Variants in FBLN5 observed in about 807,000 individuals in gnomAD.
FBLN5 encodes the protein fibulin-5.
A neutral mutation model predicts 61.6 loss-of-function variants in FBLN5; 24 were observed. That is an observed-to-expected ratio of 0.39 (90% CI 0.28 to 0.55). FBLN5 has a LOEUF of 0.55. Among genes scored for constraint, FBLN5 ranks in the 20% least tolerant of loss-of-function variants. The probability of loss-of-function intolerance (pLI) is 0.65; values close to 1 mark genes in which losing one functional copy is unlikely to be tolerated. For synonymous variants in FBLN5, 213 were observed against 219.8 expected, an observed-to-expected ratio of 0.97 and a Z score of 0.27; for missense variants, 470 against 594.1, an observed-to-expected ratio of 0.79 and a Z score of 2.17.
In FBLN5 at chr14:91,883,645, T is replaced by TAAAAA. The variant is rs765183580; in HGVS notation, c.740-574_740-570dup. Among the ~76,000 whole-genome samples the TAAAAA allele has an allele frequency of 5.4e-4, 43 of 80,060 alleles. 6 individuals carry two copies. Among genetic ancestry groups the TAAAAA allele is most frequent in the Admixed American group, 8.3e-4 (5 of 6,058 alleles). 52.5% of individuals were successfully genotyped at this position (80,060 alleles called of 152,430 possible). A position where few individuals can be genotyped will look rare whatever the true frequency, so the allele number is the denominator to read the frequency against. On this transcript the variant is annotated intron_variant, in intron 7 of 10. Coordinates refer to ENST00000342058, the MANE Select transcript of FBLN5 (RefSeq NM_006329.4). ...TTAATTATATTAAAACTTCACTGTGTAAAAAAAAAAACAAAAAAAACACAC... is the reference window on the plus strand; with the variant it reads ...TTAATTATATTAAAACTTCACTGTGTAAAAAAAAAAAAAAAACAAAAAAAACACAC...
At chr14:91,921,420 G>A (rs898031474) in intron 4 of FBLN5, among the ~76,000 whole-genome samples, 8 of 152,136 alleles carry the variant, frequency 5.3e-5, no homozygotes, top group Non-Finnish European at 7.4e-5. Flanking sequence ...ACAAGGCAAC[G>A]TTTCTTCCCC....
At chr14:91,912,863 TTTC>T (rs1183656211) in intron 4 of FBLN5, among the ~76,000 whole-genome samples, 2 of 151,378 alleles carry the variant, frequency 1.3e-5, no homozygotes, top group Non-Finnish European at 2.9e-5. Flanking sequence ...CTGAGACACT[TTTC>T]TTCTTTAATA....
intron 9 of FBLN5, chr14:91,877,987 G>A (rs578188634): frequency 1.3e-4 from 64 of 498,982 alleles, no homozygotes; most frequent in African/African-American, 8.7e-4. Context: ...CATTTGCCAC[G>A]TAGGCCAAAT....
chr14:91,925,618 A>T (rs2140030328), intron 4 of FBLN5, among the ~76,000 whole-genome samples: 1 of 152,322 alleles, frequency 6.6e-6, no homozygotes, highest in South Asian at 2.1e-4. Context: ...GCAGGAAAAC[A>T]AAGCTGTGGC....
intron 9 of FBLN5, among the ~76,000 whole-genome samples, chr14:91,880,844 C>T (rs900629632): frequency 1.3e-5 from 2 of 152,134 alleles, no homozygotes; most frequent in African/African-American, 4.8e-5. Flanking sequence ...AGCCACCGTG[C>T]CCAGCCTTGC....
intron 9 of FBLN5, among the ~76,000 whole-genome samples, chr14:91,878,358 C>G (rs1889269121): frequency 1.3e-5 from 2 of 152,084 alleles, no homozygotes; most frequent in African/African-American, 4.8e-5. Flanking sequence ...AACAGAGTGC[C>G]CTAATATAAA....
chr14:91,870,536 C>A, intron 10 of FBLN5, 151 bp from the exon 11 acceptor site: 1 of 749,140 alleles, frequency 1.3e-6, no homozygotes, highest in Non-Finnish European at 2.3e-6. Flanking sequence ...TGCCCACTCT[C>A]CACCTGGTTC....
intron 4 of FBLN5, among the ~76,000 whole-genome samples, chr14:91,905,006 G>A (rs545950886): frequency 8.9e-4 from 135 of 152,244 alleles, no homozygotes; most frequent in Non-Finnish European, 1.6e-3. Flanking sequence ...ACATCAACAG[G>A]ACCTCTCAGG....
At chr14:91,899,005 T>C (rs1044750741) in intron 4 of FBLN5, among the ~76,000 whole-genome samples, 1 of 151,980 alleles carries the variant, frequency 6.6e-6, no homozygotes, top group Non-Finnish European at 1.5e-5. Context: ...GGTTTCACCA[T>C]GTTAGCCAGG....
At chr14:91,925,989 G>A (rs917123650) in intron 4 of FBLN5, among the ~76,000 whole-genome samples, 2 of 152,088 alleles carry the variant, frequency 1.3e-5, no homozygotes, top group South Asian at 4.1e-4. Flanking sequence ...AGGCAGTGGC[G>A]CTCCCCTCTG....
chr14:91,903,729 A>T (rs1428487878), intron 4 of FBLN5, among the ~76,000 whole-genome samples: 1 of 152,132 alleles, frequency 6.6e-6, no homozygotes, highest in Non-Finnish European at 1.5e-5. Context: ...GACCACAGTC[A>T]TCCTTAAATC....
At position 91,903,225 on chromosome 14, in the gene FBLN5, A is replaced by G. The variant is rs959327147; in HGVS notation, c.380-8153T>C. On this transcript the variant is annotated intron_variant, in intron 4 of 10. Coordinates refer to ENST00000342058, the MANE Select transcript of FBLN5 (RefSeq NM_006329.4). ...TAAAGACTCTAGCACAGTCTAGCCA[A>G]AACAGAATGCTTTTCTGGTGTACGG... Among the ~76,000 whole-genome samples, 136 of 152,308 alleles carry G rather than the reference A, an allele frequency of 8.9e-4. 2 individuals carry two copies. Among genetic ancestry groups the G allele is most frequent in the Non-Finnish European group, 2.2e-4 (15 of 68,018 alleles).
intron 4 of FBLN5, among the ~76,000 whole-genome samples, chr14:91,899,292 C>T (rs1890360513): frequency 6.6e-6 from 1 of 152,340 alleles, no homozygotes; most frequent in African/African-American, 2.4e-5. Flanking sequence ...GCTGTCACAC[C>T]AGTCGGGTGC....
Position 91,882,976 on chromosome 14 carries a change from C to T in FBLN5, c.840G>A (p.Leu280=), listed in dbSNP as rs1030948385. Residue 280 remains leucine, a synonymous_variant, in exon 8 of 11, where the codon CTG becomes CTA. Coordinates refer to ENST00000342058, the MANE Select transcript of FBLN5 (RefSeq NM_006329.4). This position sits in a 1 kb window ranked among gnomAD's most constrained non-coding sequence, Gnocchi z 4.9. The stretch of plus-strand genomic sequence containing the variant: ...TACCTTGGCAGCTTCGGTTGTCATC[C>T]AGCAGGATGTAGCCTGGAGGGCAGG... ...FCSCPPGYIL[L]DDNRSCQDIN... 2.5e-6 allele frequency: 4 copies of T among 1,613,956 alleles called. No homozygotes were observed. Among genetic ancestry groups the T allele is most frequent in the Admixed American group, 3.3e-5 (2 of 60,016 alleles).
chr14:91,916,502 G>A (rs998540419), intron 4 of FBLN5, among the ~76,000 whole-genome samples: 1 of 152,192 alleles, frequency 6.6e-6, no homozygotes, highest in African/African-American at 2.4e-5. Flanking sequence ...CAGATGTTCT[G>A]TAAAGAGGAT....
chr14:91,875,712 C>T (rs1438979427), intron 10 of FBLN5, among the ~76,000 whole-genome samples: 1 of 152,200 alleles, frequency 6.6e-6, no homozygotes, highest in Non-Finnish European at 1.5e-5. Flanking sequence ...GCCAGCACTA[C>T]CATTACCGGG....
rs377419498 is a variant in FBLN5 at position 91,882,983 on chromosome 14, A to T, written c.833T>A (p.Ile278Asn). ...TYFCSCPPGY[I>N]LLDDNRSCQD... ...GCAGCTTCGGTTGTCATCCAGCAGG[A>T]TGTAGCCTGGAGGGCAGGAGCAGAA... Residue 278 changes from isoleucine to asparagine, a missense_variant, in exon 8 of 11, where the codon ATC (isoleucine) becomes AAC (asparagine). By Grantham distance (149) the Ile-to-Asn change is moderately radical. Coordinates refer to ENST00000342058, the MANE Select transcript of FBLN5 (RefSeq NM_006329.4). This position sits in a 1 kb window ranked among gnomAD's most constrained non-coding sequence, Gnocchi z 4.9. 1 of 1,613,978 alleles carries T rather than the reference A, an allele frequency of 6.2e-7. No homozygotes were observed. Among genetic ancestry groups the T allele is most frequent in the African/African-American group, 1.3e-5 (1 of 74,930 alleles).
chr14:91,932,438 C>A (rs1270002347), intron 4 of FBLN5, among the ~76,000 whole-genome samples: 1 of 152,208 alleles, frequency 6.6e-6, no homozygotes, highest in East Asian at 1.9e-4. Flanking sequence ...GAGCCCGGCC[C>A]CGCCCAGCCC....
At chr14:91,908,970 T>C (rs1890800688) in intron 4 of FBLN5, among the ~76,000 whole-genome samples, 2 of 151,868 alleles carry the variant, frequency 1.3e-5, no homozygotes, top group Non-Finnish European at 2.9e-5. Flanking sequence ...CAGGCTGGAG[T>C]GAAGTGGCGC....
Sources: gnomAD v4.1 joint callset for allele counts (sites outside exome capture counted in the v4.1 genomes callset) on GRCh38, gnomAD v4.1.1 for gene constraint, Gnocchi (gnomAD v3.1) non-coding constraint, MANE v1.5 for transcripts, NCBI Gene and HGNC (gene_info 2026-07-23, HGNC 2026-07-21) for gene names.